Variants in TBC1D9 observed in about 807,000 individuals in gnomAD.
TBC1D9 encodes the protein TBC1 domain family member 9, also known as TBC1 domain family member 9A.
Under a neutral mutation model 132.0 loss-of-function variants are expected in TBC1D9, and 63 were observed. The observed-to-expected ratio is 0.48, with a 90% CI of 0.39 to 0.59. The LOEUF (loss-of-function observed/expected upper bound fraction) is 0.59. Among genes scored for constraint, TBC1D9 ranks in the 20% least tolerant of loss-of-function variants. The pLI is 0.00. For synonymous variants in TBC1D9, 610 were observed against 609.9 expected, an observed-to-expected ratio of 1.00 and a Z score of 0.00; for missense variants, 1,261 against 1,592.7, an observed-to-expected ratio of 0.79 and a Z score of 3.54.
At chr4:140,635,539 T>G (rs1309482413) in intron 15 of TBC1D9, among the ~76,000 whole-genome samples, 2 of 152,148 alleles carry the variant, frequency 1.3e-5, no homozygotes, top group Non-Finnish European at 2.9e-5. Context: ...CCTTCTCTTT[T>G]CCCTAGGGTT....
chr4:140,739,567 A>G lies in TBC1D9; in HGVS notation c.130+16349T>C, dbSNP rs374041737. ...TATTATGACAATCAATTAAAGAATG[A>G]AAAAGTTCTCAGCAGGATGCCTGAA... On this transcript the variant is annotated intron_variant, in intron 1 of 20. Transcript: ENST00000442267. Among the ~76,000 whole-genome samples, 14 of 152,358 alleles carry G rather than the reference A, an allele frequency of 9.2e-5. 1 individual carries two copies. The highest frequency in any genetic ancestry group is 2.6e-4 in the African/African-American group (11 of 41,586).
chr4:140,732,915 A>T (rs913478488), intron 1 of TBC1D9, among the ~76,000 whole-genome samples: 1 of 152,222 alleles, frequency 6.6e-6, no homozygotes, highest in East Asian at 1.9e-4. Flanking sequence ...GACACTGTAC[A>T]ATACAATCGC....
chr4:140,674,326 G>A (rs1264284109), intron 6 of TBC1D9, among the ~76,000 whole-genome samples: 1 of 152,134 alleles, frequency 6.6e-6, no homozygotes. Flanking sequence ...CCTACGACAA[G>A]GAGAGCTAGA....
At chr4:140,736,625 A>G (rs555934559) in intron 1 of TBC1D9, among the ~76,000 whole-genome samples, 1 of 152,236 alleles carries the variant, frequency 6.6e-6, no homozygotes, top group East Asian at 1.9e-4. Flanking sequence ...AAGCAGAGCC[A>G]TATTTGAGAA....
intron 10 of TBC1D9, among the ~76,000 whole-genome samples, chr4:140,660,824 T>G (rs752432983): frequency 6.6e-6 from 1 of 152,196 alleles, no homozygotes; most frequent in Non-Finnish European, 1.5e-5. Flanking sequence ...TGCATGTACG[T>G]GCACTTGTGT....
chr4:140,732,838 T>C (rs1291171031), intron 1 of TBC1D9, among the ~76,000 whole-genome samples: 2 of 152,146 alleles, frequency 1.3e-5, no homozygotes, highest in African/African-American at 4.8e-5. Flanking sequence ...TATCAGGAAA[T>C]GAAAATTCCT....
chr4:140,712,256 A>G (rs1001640524), intron 1 of TBC1D9: 1 of 148,632 alleles, frequency 6.7e-6, no homozygotes, highest in African/African-American at 2.5e-5. Flanking sequence ...TCCCTCTGGT[A>G]TACGGAGTTC....
Position 140,701,586 on chromosome 4 carries a change from C to T in TBC1D9, c.159G>A (p.Val53=). ...GAGCGACCCGGGCGCTGGAGTCCAACACAACATCAAGGGTACCCACCAGCA... is the reference window on the plus strand; with the variant it reads ...GAGCGACCCGGGCGCTGGAGTCCAATACAACATCAAGGGTACCCACCAGCA... ...AGLLVGTLDV[V]LDSSARVAPY... is the part of the protein sequence containing the mutation. The change falls in exon 2 of 21, where the codon GTG becomes GTA. Residue 53 remains valine, a synonymous_variant. Coordinates refer to ENST00000442267, the MANE Select transcript of TBC1D9 (RefSeq NM_015130.3). 1.9e-6 allele frequency: 3 copies of T among 1,613,970 alleles called. No individual in the cohort carries two copies. Among genetic ancestry groups the T allele is most frequent in the Non-Finnish European group, 2.5e-6 (3 of 1,179,862 alleles).
At chr4:140,693,692 C>T (rs1170011172) in intron 2 of TBC1D9, among the ~76,000 whole-genome samples, 1 of 152,168 alleles carries the variant, frequency 6.6e-6, no homozygotes, top group Non-Finnish European at 1.5e-5. Context: ...CTTCTGATGT[C>T]AAGAAAAGAA....
intron 1 of TBC1D9, among the ~76,000 whole-genome samples, chr4:140,739,562 G>T (rs2111076481): frequency 6.6e-6 from 1 of 152,286 alleles, no homozygotes; most frequent in African/African-American, 2.4e-5. Context: ...ATCAATTAAA[G>T]AATGAAAAAG....
chr4:140,648,361 G>C (rs915794804), intron 13 of TBC1D9, among the ~76,000 whole-genome samples: 1 of 150,328 alleles, frequency 6.7e-6, no homozygotes, highest in African/African-American at 2.4e-5. Context: ...ACATCTTTAT[G>C]AGCAGAAAGG....
chr4:140,681,129 G>A (rs189092677), intron 3 of TBC1D9, among the ~76,000 whole-genome samples: 13 of 152,174 alleles, frequency 8.5e-5, no homozygotes, highest in East Asian at 3.9e-4. Context: ...CAAATGTCCC[G>A]TTAGTAACTG....
chr4:140,663,174 A>G (rs1737391761), intron 9 of TBC1D9, among the ~76,000 whole-genome samples: 1 of 152,236 alleles, frequency 6.6e-6, no homozygotes. Context: ...CAAAATATAT[A>G]ATGAACTCAC....
At chr4:140,749,074 A>T (rs1269211403) in intron 1 of TBC1D9, among the ~76,000 whole-genome samples, 1 of 152,168 alleles carries the variant, frequency 6.6e-6, no homozygotes, top group African/African-American at 2.4e-5. Flanking sequence ...TTTAAAAAAT[A>T]AAAAATAATG....
At chr4:140,751,337 A>G (rs1022593614) in intron 1 of TBC1D9, among the ~76,000 whole-genome samples, 2 of 152,202 alleles carry the variant, frequency 1.3e-5, no homozygotes, top group Non-Finnish European at 2.9e-5. Context: ...TGAAGACAGA[A>G]TAGCCTTCCC....
intron 1 of TBC1D9, among the ~76,000 whole-genome samples, chr4:140,734,281 A>AC (rs1299560922): frequency 6.6e-6 from 1 of 152,092 alleles, no homozygotes; most frequent in Admixed American, 6.6e-5. Flanking sequence ...GGCACGTGTC[A>AC]CCACACTCAG....
At chr4:140,740,339 C>A (rs1040038463) in intron 1 of TBC1D9, among the ~76,000 whole-genome samples, 1 of 152,198 alleles carries the variant, frequency 6.6e-6, no homozygotes, top group Non-Finnish European at 1.5e-5. Flanking sequence ...CAGGGACAGA[C>A]AATTTTAACT....
rs544912615 is a variant in TBC1D9 at position 140,696,985 on chromosome 4, T to C, written c.241+4519A>G. Reference sequence around the variant, plus strand: ...ATTTACAAACAATAAGATACAGATATATTTTAAAAATCTTAAGGGAGAAGC... The same window carrying C: ...ATTTACAAACAATAAGATACAGATACATTTTAAAAATCTTAAGGGAGAAGC... On this transcript the variant is annotated intron_variant, in intron 2 of 20. Transcript: ENST00000442267. 2.6e-4 allele frequency among the ~76,000 whole-genome samples: 39 copies of C among 152,326 alleles called. No individual in the cohort carries two copies. In the South Asian group the frequency reaches 7.7e-3, roughly 30 times the overall value.
At chr4:140,723,845 C>T (rs1738459460) in intron 1 of TBC1D9, among the ~76,000 whole-genome samples, 2 of 151,948 alleles carry the variant, frequency 1.3e-5, no homozygotes, top group Non-Finnish European at 2.9e-5. Context: ...CTCCTGGGTT[C>T]AAATGTTCCA....
Sources: gnomAD v4.1 joint callset for allele counts (sites outside exome capture counted in the v4.1 genomes callset) on GRCh38, gnomAD v4.1.1 for gene constraint, MANE v1.5 for transcripts, NCBI Gene and HGNC (gene_info 2026-07-23, HGNC 2026-07-21) for gene names.